Variants in MFNG observed in about 807,000 individuals in gnomAD.
The protein encoded by MFNG is MFNG O-fucosylpeptide 3-beta-N-acetylglucosaminyltransferase.
Under a neutral mutation model 34.2 loss-of-function variants are expected in MFNG, and 24 were observed. The ratio of observed to expected loss-of-function variants is 0.70; its 90% CI spans 0.51 to 0.99. The LOEUF (loss-of-function observed/expected upper bound fraction) is 0.99, where lower values mean the gene tolerates loss of function less well. MFNG is among the 50% of genes least tolerant of loss of function. The probability of loss-of-function intolerance (pLI) is 0.00; values close to 1 mark genes in which losing one functional copy is unlikely to be tolerated. For synonymous variants in MFNG, 158 were observed against 179.2 expected, an observed-to-expected ratio of 0.88 and a Z score of 0.94; for missense variants, 383 against 424.0, an observed-to-expected ratio of 0.90 and a Z score of 0.85.
intron 5 of MFNG, among the ~76,000 whole-genome samples, chr22:37,475,923 G>A (rs148700113): frequency 1.3e-4 from 20 of 152,322 alleles, no homozygotes; most frequent in African/African-American, 4.6e-4. Context: ...TGAATTGCCT[G>A]GGGCGCCCCT....
chr22:37,486,265 G>C lies in MFNG; in HGVS notation c.-88C>G. On this transcript the variant is annotated 5_prime_UTR_variant, in exon 1 of 8. Coordinates refer to ENST00000356998, the MANE Select transcript of MFNG (RefSeq NM_002405.4). The stretch of plus-strand genomic sequence containing the variant: ...CTGGTCAGGCAGGGGCTCCAGCAGA[G>C]GCAAAAGTCTGGCAGGCATCAGGGG... 1 of 1,390,078 alleles carries C rather than the reference G, an allele frequency of 7.2e-7. No homozygotes were observed. Among genetic ancestry groups the C allele is most frequent in the Non-Finnish European group, 9.4e-7 (1 of 1,062,362 alleles). 86.1% of individuals were successfully genotyped at this position (1,390,078 alleles called of 1,614,324 possible).
rs6000747 is a variant in MFNG, at chr22:37,473,738, G to T, written c.813+774C>A. ...CGATAGTGGGGGGAAAGCTGGGGCT[G>T]CCATCTTGCCAACATGAGGGCTGAG... is the stretch of plus-strand genomic sequence containing the variant. On this transcript the variant is annotated intron_variant, in intron 6 of 7. Coordinates refer to ENST00000356998, the MANE Select transcript of MFNG (RefSeq NM_002405.4). Among the ~76,000 whole-genome samples, 233 of 152,342 alleles carry T rather than the reference G, an allele frequency of 1.5e-3. 1 individual carries two copies. The highest frequency in any genetic ancestry group is 5.5e-3 in the African/African-American group (228 of 41,588).
intron 5 of MFNG, among the ~76,000 whole-genome samples, chr22:37,475,530 G>A (rs1921999430): frequency 6.6e-6 from 1 of 152,146 alleles, no homozygotes; most frequent in African/African-American, 2.4e-5. Flanking sequence ...GAGTCTTGCA[G>A]GATGGGCTGG....
rs1236439410 is a variant in MFNG, at chr22:37,480,787, G to A, written c.256-18C>T. On this transcript the variant is annotated intron_variant, in intron 1 of 7. Coordinates refer to ENST00000356998, the MANE Select transcript of MFNG (RefSeq NM_002405.4). ...ACAAATGTCTAGGAAGGAGAAGAAG[G>A]GGTCAGGACTCACATCGGCCCAAGG... 6.2e-7 allele frequency: 1 copy of A among 1,612,304 alleles called. No homozygotes were observed. The highest frequency in any genetic ancestry group is 1.1e-5 in the South Asian group (1 of 90,562).
intron 6 of MFNG, chr22:37,472,785 A>G: frequency 2.7e-6 from 1 of 369,486 alleles, no homozygotes. Context: ...ACCCCCATCT[A>G]CAGATTTGGA....
chr22:37,476,015 T>C (rs1922021216), intron 5 of MFNG, among the ~76,000 whole-genome samples: 1 of 152,182 alleles, frequency 6.6e-6, no homozygotes, highest in African/African-American at 2.4e-5. Context: ...CTGAGTGACC[T>C]TGAACCTGGC....
intron 1 of MFNG, 169 bp from the exon 2 acceptor site, chr22:37,480,938 C>A: frequency 4.7e-6 from 3 of 634,640 alleles, no homozygotes; most frequent in Non-Finnish European, 8.5e-6. Context: ...CACACACAAC[C>A]CAGCTTTTGT....
rs758727304 is a variant in MFNG, at chr22:37,474,573, G to C, written c.752C>G (p.Pro251Arg). 1 of 1,614,172 alleles carries C rather than the reference G, an allele frequency of 6.2e-7. No individual in the cohort carries two copies. Among genetic ancestry groups the C allele is most frequent in the Non-Finnish European group, 8.5e-7 (1 of 1,180,020 alleles). ...CKLGGRLQPS[P>R]LFHSHLETLQ... ...GGTCTCCAGGTGGGAGTGAAAGAGG[G>C]GGCTGGGCTGCAGGCGGCCGCCCAG... Residue 251 changes from proline (P) to arginine (R), a missense_variant, in exon 6 of 8, where the codon CCC becomes CGC. Coordinates refer to ENST00000356998, the MANE Select transcript of MFNG (RefSeq NM_002405.4).
At chr22:37,484,610 G>A (rs554752243) in intron 1 of MFNG, 1 of 152,418 alleles carries the variant, frequency 6.6e-6, no homozygotes, top group East Asian at 1.9e-4. Flanking sequence ...CCACCGCGGT[G>A]ATGGAGATAA....
At chr22:37,481,272 G>A (rs754325071) in intron 1 of MFNG, 12 of 155,290 alleles carry the variant, frequency 7.7e-5, no homozygotes, top group East Asian at 1.9e-4. Context: ...AAGCCATCTC[G>A]GAAATGCTGC....
rs1732288789 is a variant in MFNG at position 37,480,434 on chromosome 22, C to T, written c.305-135G>A. On this transcript the variant is annotated intron_variant, in intron 2 of 7. Coordinates refer to ENST00000356998, the MANE Select transcript of MFNG (RefSeq NM_002405.4). ...CACTCCCATTTTACACATGGTAGGA[C>T]TGAGACCCGGGGAAGGCAGACCTGC... is the stretch of plus-strand genomic sequence containing the variant. 8.2e-6 allele frequency: 6 copies of T among 731,316 alleles called. No individual in the cohort carries two copies. In the African/African-American group the frequency reaches 8.8e-5, roughly 11 times the overall value. 45.3% of individuals were successfully genotyped at this position (731,316 alleles called of 1,614,324 possible).
At chr22:37,470,296 C>T (rs79125783) in intron 7 of MFNG, among the ~76,000 whole-genome samples, 58 of 152,156 alleles carry the variant, frequency 3.8e-4, no homozygotes, top group Non-Finnish European at 6.8e-4. Context: ...CATTGCCAGA[C>T]GTCCCCTAAG....
In MFNG at chr22:37,480,292, G is replaced by T; in HGVS notation, c.312C>A (p.His104Gln). The change falls in exon 3 of 8, where the codon CAC (histidine) becomes CAA (glutamine). Residue 104 changes from histidine (H) to glutamine (Q), a missense_variant. His to Gln is a conservative substitution (Grantham distance 24, BLOSUM62 0). Coordinates refer to ENST00000356998, the MANE Select transcript of MFNG (RefSeq NM_002405.4). ...DKGLQERLGS[H>Q]LVVTNCSAEH... ...CCGCGGAGCAGTTGGTGACCACAAG[G>T]TGGGACCCTGGAGAAGTGAGGAGGA... The T allele has an allele frequency of 6.2e-7, 1 of 1,613,570 alleles. No homozygotes were observed. The highest frequency in any genetic ancestry group is 8.5e-7 in the Non-Finnish European group (1 of 1,179,512).
chr22:37,473,159 T>C (rs1432547510), intron 6 of MFNG, among the ~76,000 whole-genome samples: 3 of 152,080 alleles, frequency 2.0e-5, no homozygotes, highest in Non-Finnish European at 4.4e-5. Context: ...GAAGGGTGGC[T>C]GGGTGCGGTG....
intron 3 of MFNG, 35 bp from the exon 4 acceptor site, chr22:37,479,533 G>A: frequency 1.2e-6 from 2 of 1,605,454 alleles, no homozygotes; most frequent in Non-Finnish European, 8.5e-7. Context: ...GAACTTGTTG[G>A]GGGGGTTCCA....
rs200722579 is a variant in MFNG at position 37,485,930 on chromosome 22, C to T, written c.248G>A (p.Arg83Lys). Residue 83 changes from arginine to lysine, a missense_variant, in exon 1 of 8, where the codon AGG becomes AAG. Physicochemically the swap from Arg to Lys is conservative, Grantham distance 26. Transcript: ENST00000356998. This position sits in a 1 kb window ranked among gnomAD's most constrained non-coding sequence, Gnocchi z 5.3. ...LLLDTWVSRT[R>K]EQTFVFTDSP... The stretch of plus-strand genomic sequence containing the variant: ...ATGTCACCCACTTGTCACCTGTTCC[C>T]TGGTCCTGGAAACCCACGTGTCAAG... 1.5e-5 allele frequency: 24 copies of T among 1,612,948 alleles called. No homozygotes were observed. The highest frequency in any genetic ancestry group is 1.9e-5 in the Non-Finnish European group (22 of 1,179,354).
At position 37,485,709 on chromosome 22, in the gene MFNG, G is replaced by A. The variant is rs1309403399; in HGVS notation, c.255+214C>T. Among the ~76,000 whole-genome samples, 1 of 152,194 alleles carries A rather than the reference G, an allele frequency of 6.6e-6. No homozygotes were observed. Among genetic ancestry groups the A allele is most frequent in the Non-Finnish European group, 1.5e-5 (1 of 68,036 alleles). On this transcript the variant is annotated intron_variant, in intron 1 of 7. Coordinates refer to ENST00000356998, the MANE Select transcript of MFNG (RefSeq NM_002405.4). This position sits in a 1 kb window ranked among gnomAD's most constrained non-coding sequence, Gnocchi z 5.3. ...AAAGTGGTGGAGCGGTAGGACCTGG[G>A]TGCACCTGGAGTCAGGACCAGTACA...
rs146256245 is a variant in MFNG, at chr22:37,480,269, G to A, written c.335C>T (p.Ala112Val). ...GGACAGAGCTGGGTGGCTGTGTTCCGCGGAGCAGTTGGTGACCACAAGGTG... is the reference window on the plus strand; with the variant it reads ...GGACAGAGCTGGGTGGCTGTGTTCCACGGAGCAGTTGGTGACCACAAGGTG... ...GSHLVVTNCS[A>V]EHSHPALSCK... Residue 112 changes from alanine (A) to valine (V), a missense_variant, in exon 3 of 8, where the codon GCG (alanine) becomes GTG (valine). Transcript: ENST00000356998. 7.1e-5 allele frequency: 115 copies of A among 1,613,636 alleles called. No individual in the cohort carries two copies. The highest frequency in any genetic ancestry group is 1.1e-4 in the East Asian group (5 of 44,876).
intron 1 of MFNG, chr22:37,481,511 G>A (rs2145736817): frequency 6.6e-6 from 1 of 152,444 alleles, no homozygotes; most frequent in East Asian, 1.9e-4. Context: ...CATAATCCAA[G>A]CTCAGACTCT....
Sources: gnomAD v4.1 joint callset for allele counts (sites outside exome capture counted in the v4.1 genomes callset) on GRCh38, gnomAD v4.1.1 for gene constraint, Gnocchi (gnomAD v3.1) non-coding constraint, MANE v1.5 for transcripts, NCBI Gene and HGNC (gene_info 2026-07-23, HGNC 2026-07-21) for gene names.